SLC25A48: variants seen among roughly 807,000 people sequenced by gnomAD.
SLC25A48 encodes the protein solute carrier family 25 member 48, also known as CTC-321K16.1.
In SLC25A48, 29 loss-of-function variants were observed where a neutral mutation model predicts 32.2. The observed-to-expected ratio is 0.90, with a 90% CI of 0.67 to 1.23. SLC25A48 has a LOEUF of 1.23. SLC25A48 is among the 50% of genes most tolerant of loss of function. The pLI is 0.00. For missense variants in SLC25A48, 399 were observed against 422.7 expected (o/e 0.94, Z 0.49); for synonymous variants, 164 against 172.3 (o/e 0.95, Z 0.38).
intron 3 of SLC25A48, among the ~76,000 whole-genome samples, chr5:135,668,569 A>G (rs1050856106): frequency 6.6e-6 from 1 of 152,218 alleles, no homozygotes; most frequent in Non-Finnish European, 1.5e-5. Context: ...GACATAGTGG[A>G]ACATAGACAT....
intron 3 of SLC25A48, among the ~76,000 whole-genome samples, chr5:135,704,367 T>G (rs961413237): frequency 5.3e-5 from 8 of 152,226 alleles, no homozygotes; most frequent in African/African-American, 1.9e-4. Context: ...AAGATCTTTC[T>G]TATGCATCAG....
intron 2 of SLC25A48, among the ~76,000 whole-genome samples, chr5:135,848,945 G>T (rs1224669172): frequency 6.6e-6 from 1 of 152,126 alleles, no homozygotes; most frequent in East Asian, 1.9e-4. Flanking sequence ...AGCGAAGGTG[G>T]GTCCAATGAA....
intron 2 of SLC25A48, among the ~76,000 whole-genome samples, chr5:135,634,020 T>C (rs1752640785): frequency 6.6e-6 from 1 of 152,322 alleles, no homozygotes; most frequent in South Asian, 2.1e-4. Flanking sequence ...AAATTAGAAT[T>C]GGGCAAGGCC....
At chr5:135,855,329 G>A (rs968713508) in intron 4 of SLC25A48, among the ~76,000 whole-genome samples, 3 of 152,264 alleles carry the variant, frequency 2.0e-5, no homozygotes, top group Non-Finnish European at 4.4e-5. Context: ...ATCAAACAAG[G>A]TGTGGTTTTA....
At chr5:135,631,645 G>A (rs549023310) in intron 2 of SLC25A48, among the ~76,000 whole-genome samples, 76 of 152,156 alleles carry the variant, frequency 5.0e-4, no homozygotes, top group Non-Finnish European at 9.6e-4. Flanking sequence ...TTGTCTCCCC[G>A]GATCAGCATA....
At chr5:135,706,245 G>T (rs886755265) in intron 3 of SLC25A48, among the ~76,000 whole-genome samples, 1 of 152,176 alleles carries the variant, frequency 6.6e-6, no homozygotes, top group East Asian at 1.9e-4. Context: ...GACTCCTGGT[G>T]ACTTGTGGCA....
At chr5:135,789,909 C>T (rs934299316) in intron 3 of SLC25A48, among the ~76,000 whole-genome samples, 6 of 151,888 alleles carry the variant, frequency 4.0e-5, no homozygotes, top group Middle Eastern at 3.4e-3. Context: ...GTAAGATCTC[C>T]CTACAATATT....
chr5:135,798,128 G>A (rs115299556), intron 3 of SLC25A48, among the ~76,000 whole-genome samples: 1,822 of 151,864 alleles, frequency 0.012, 38 homozygotes, highest in African/African-American at 0.041. Context: ...TAATATCCAG[G>A]GAGGAGATAA....
intron 1 of SLC25A48, among the ~76,000 whole-genome samples, chr5:135,620,665 C>T (rs1421940337): frequency 6.6e-6 from 1 of 152,118 alleles, no homozygotes; most frequent in Non-Finnish European, 1.5e-5. Context: ...TCCTGACTCT[C>T]ACCTCAGCCC....
At chr5:135,788,897 C>T (rs1671760558) in intron 3 of SLC25A48, among the ~76,000 whole-genome samples, 3 of 151,366 alleles carry the variant, frequency 2.0e-5, no homozygotes, top group Admixed American at 2.0e-4. Flanking sequence ...GGGGGGTGTA[C>T]ACCCCCACGC....
At chr5:135,762,798 G>A (rs1159722201) in intron 3 of SLC25A48, among the ~76,000 whole-genome samples, 1 of 149,278 alleles carries the variant, frequency 6.7e-6, no homozygotes, top group African/African-American at 2.5e-5. Flanking sequence ...TGAGAGCATA[G>A]TGTGAATGTG....
intron 3 of SLC25A48, among the ~76,000 whole-genome samples, chr5:135,788,269 T>G (rs1391992401): frequency 6.6e-6 from 1 of 150,526 alleles, no homozygotes; most frequent in African/African-American, 2.5e-5. Context: ...TTATTCACTA[T>G]GGGGTGGGGG....
chr5:135,772,526 G>A (rs1434219493), intron 3 of SLC25A48, among the ~76,000 whole-genome samples: 2 of 151,142 alleles, frequency 1.3e-5, no homozygotes, highest in Admixed American at 6.6e-5. Flanking sequence ...GCGAGTGTAC[G>A]CCCCCTATGA....
At chr5:135,865,819 A>G (rs555506406) in intron 4 of SLC25A48, among the ~76,000 whole-genome samples, 1 of 152,328 alleles carries the variant, frequency 6.6e-6, no homozygotes, top group East Asian at 1.9e-4. Flanking sequence ...GGTCCAACCC[A>G]TCGAACAGCA....
intron 1 of SLC25A48, among the ~76,000 whole-genome samples, chr5:135,596,019 G>A (rs530675144): frequency 2.0e-5 from 3 of 152,240 alleles, no homozygotes; most frequent in East Asian, 1.9e-4. Context: ...CCTGTCACTC[G>A]GCCAACCCCT....
At chr5:135,789,066 T>C (rs11748103) in intron 3 of SLC25A48, among the ~76,000 whole-genome samples, 98,226 of 150,116 alleles carry the variant, frequency 0.65, 34,080 homozygotes, top group Non-Finnish European at 0.78. Flanking sequence ...CCATATGGTC[T>C]GTAATATCCG....
At chr5:135,699,986 C>T (rs550993398) in intron 3 of SLC25A48, among the ~76,000 whole-genome samples, 19 of 152,172 alleles carry the variant, frequency 1.2e-4, no homozygotes, top group Non-Finnish European at 2.5e-4. Flanking sequence ...ATCTCAACTC[C>T]GTGGCCTGAA....
At chr5:135,847,401 G>T (rs1759512253) in intron 2 of SLC25A48, among the ~76,000 whole-genome samples, 2 of 152,180 alleles carry the variant, frequency 1.3e-5, no homozygotes, top group Admixed American at 6.5e-5. Context: ...GAGGGGGCCA[G>T]GTTCCTGGGG....
chr5:135,686,942 G>T (rs891709869), intron 3 of SLC25A48, among the ~76,000 whole-genome samples: 2 of 151,960 alleles, frequency 1.3e-5, no homozygotes, highest in Non-Finnish European at 2.9e-5. Context: ...AAAGGGAAAG[G>T]GTTGTTTTTT....
Sources: allele counts gnomAD v4.1 joint callset (sites outside exome capture counted in the v4.1 genomes callset), GRCh38; gene constraint gnomAD v4.1.1; transcripts MANE v1.5; gene names NCBI Gene and HGNC (gene_info 2026-07-23, HGNC 2026-07-21).